Variants in UBR1 observed in about 807,000 individuals in gnomAD.
UBR1 encodes the protein ubiquitin protein ligase E3 component n-recognin 1.
A neutral mutation model predicts 242.1 loss-of-function variants in UBR1; 102 were observed. The ratio of observed to expected loss-of-function variants is 0.42; its 90% CI spans 0.36 to 0.50. The LOEUF (loss-of-function observed/expected upper bound fraction) is 0.50, where lower values mean the gene tolerates loss of function less well. UBR1 is among the 20% of genes least tolerant of loss of function. The pLI is 0.01. For synonymous variants in UBR1, 675 were observed against 684.8 expected (o/e 0.99, Z 0.22); for missense variants, 1,772 against 2,101.8 (o/e 0.84, Z 3.07).
chr15:43,037,437 G>A (rs2141317702), intron 17 of UBR1, among the ~76,000 whole-genome samples: 1 of 152,012 alleles, frequency 6.6e-6, no homozygotes, highest in East Asian at 1.9e-4. Flanking sequence ...ATTACAAGGT[G>A]GCCTTCAATT....
At chr15:42,981,162 CACA>C (rs1322768617) in intron 37 of UBR1, among the ~76,000 whole-genome samples, 3 of 152,070 alleles carry the variant, frequency 2.0e-5, no homozygotes, top group Admixed American at 6.6e-5. Flanking sequence ...TACTATTGTC[CACA>C]ACGTTTCAAA....
At chr15:43,058,302 C>T (rs745695611) in intron 10 of UBR1, 39 bp downstream of exon 10, 2 of 1,241,586 alleles carry the variant, frequency 1.6e-6, no homozygotes, top group Non-Finnish European at 2.3e-6. Flanking sequence ...TAAAAACTGC[C>T]TATTTCTATT....
intron 29 of UBR1, among the ~76,000 whole-genome samples, chr15:43,012,146 G>C (rs1372194820): frequency 6.6e-6 from 1 of 151,540 alleles, no homozygotes; most frequent in Non-Finnish European, 1.5e-5. Flanking sequence ...AGAATGGCGT[G>C]AACCCTGGAG....
chr15:42,973,501 G>A (rs2032239090), intron 39 of UBR1, among the ~76,000 whole-genome samples: 1 of 152,020 alleles, frequency 6.6e-6, no homozygotes, highest in African/African-American at 2.4e-5. Flanking sequence ...CCTCATGTTG[G>A]TCAGGGTGGT....
intron 15 of UBR1, among the ~76,000 whole-genome samples, chr15:43,038,681 A>G (rs1285628756): frequency 6.6e-6 from 1 of 152,196 alleles, no homozygotes; most frequent in Non-Finnish European, 1.5e-5. Context: ...GTTGATTTCT[A>G]ATTTTGAAAT....
In UBR1 at chr15:42,952,451, CAA is replaced by C. The variant is rs1256155590; in HGVS notation, c.4836-5_4836-4del. On this transcript the variant is annotated splice_polypyrimidine_tract_variant and splice_region_variant and intron_variant, in intron 44 of 46. Coordinates refer to ENST00000290650, the MANE Select transcript of UBR1 (RefSeq NM_174916.3). ...CATCATCTGCAGACCGTGGGCACCT[CAA>C]AAGAGAAGAAAACATTTAGAGAATG... 2 of 1,614,160 alleles carry C rather than the reference CAA, an allele frequency of 1.2e-6. No homozygotes were observed. The highest frequency in any genetic ancestry group is 3.3e-5 in the Admixed American group (2 of 60,010).
At chr15:43,010,818 C>CA (rs768275252) in intron 29 of UBR1, among the ~76,000 whole-genome samples, 12,912 of 57,102 alleles carry the variant, frequency 0.23, 950 homozygotes, top group African/African-American at 0.27. Flanking sequence ...ACTAAAAATA[C>CA]AAAAAAAAAA....
intron 10 of UBR1, 40 bp from the exon 11 acceptor site, chr15:43,056,482 T>C (rs1424403917): frequency 5.1e-6 from 7 of 1,385,560 alleles, no homozygotes; most frequent in Non-Finnish European, 6.1e-6. Context: ...AAATCACTAC[T>C]AAAGACCTTT....
intron 6 of UBR1, among the ~76,000 whole-genome samples, chr15:43,063,959 C>T (rs2141341200): frequency 6.6e-6 from 1 of 152,328 alleles, no homozygotes; most frequent in East Asian, 1.9e-4. Flanking sequence ...TGGTCTCAAA[C>T]TCCCGACCTC....
intron 30 of UBR1, among the ~76,000 whole-genome samples, chr15:43,006,773 T>C (rs900631172): frequency 6.6e-6 from 1 of 151,364 alleles, no homozygotes; most frequent in Non-Finnish European, 1.5e-5. Flanking sequence ...AAAGCTACTA[T>C]CATAAAAAAA....
intron 43 of UBR1, among the ~76,000 whole-genome samples, chr15:42,959,123 G>T (rs896798687): frequency 6.6e-6 from 1 of 152,178 alleles, no homozygotes; most frequent in East Asian, 1.9e-4. Flanking sequence ...GAGCCACGGC[G>T]CCTGGCCCCA....
chr15:43,073,346 C>T lies in UBR1; in HGVS notation c.528+1633G>A, dbSNP rs114937455. ...AAGTATGTAAATGTAAATACTGTTC[C>T]TCATCAACCTAAGTCTTAAGAATTT... On this transcript the variant is annotated intron_variant, in intron 4 of 46. Transcript: ENST00000290650. Among the ~76,000 whole-genome samples the T allele has an allele frequency of 4.8e-3, 728 of 152,146 alleles. 6 individuals carry two copies. Among genetic ancestry groups the T allele is most frequent in the African/African-American group, 0.017 (699 of 41,534 alleles).
intron 37 of UBR1, among the ~76,000 whole-genome samples, chr15:42,981,565 C>T (rs1422894402): frequency 7.2e-5 from 11 of 152,108 alleles, no homozygotes; most frequent in Admixed American, 7.2e-4. Flanking sequence ...TCTCAGCTCA[C>T]TGCAAGCTCT....
intron 37 of UBR1, among the ~76,000 whole-genome samples, chr15:42,980,305 T>C (rs1236619442): frequency 6.6e-6 from 1 of 152,236 alleles, no homozygotes; most frequent in African/African-American, 2.4e-5. Flanking sequence ...ATTTTAACTA[T>C]GGGTTAAGCC....
chr15:43,079,419 T>A (rs937169471), intron 3 of UBR1, among the ~76,000 whole-genome samples: 3 of 152,150 alleles, frequency 2.0e-5, no homozygotes, highest in African/African-American at 4.8e-5. Context: ...AAAGGGCCCA[T>A]GAATTCTTGA....
chr15:42,967,394 T>C (rs2032124997), intron 40 of UBR1, among the ~76,000 whole-genome samples: 1 of 151,034 alleles, frequency 6.6e-6, no homozygotes, highest in South Asian at 2.1e-4. Context: ...ACATAAAAGT[T>C]AAAGGTTACT....
chr15:43,034,512 T>C (rs992712329), intron 19 of UBR1, among the ~76,000 whole-genome samples: 1 of 152,006 alleles, frequency 6.6e-6, no homozygotes, highest in Non-Finnish European at 1.5e-5. Context: ...AAAAGACCAA[T>C]GTCTTTATAG....
At chr15:43,048,589 G>T in intron 12 of UBR1, 98 bp from the exon 13 acceptor site, 1 of 922,998 alleles carries the variant, frequency 1.1e-6, no homozygotes, top group Non-Finnish European at 1.7e-6. Context: ...TAAAAATTAT[G>T]GATTCTAATT....
intron 39 of UBR1, among the ~76,000 whole-genome samples, chr15:42,973,926 T>A (rs951661599): frequency 1.4e-5 from 2 of 141,568 alleles, no homozygotes; most frequent in Non-Finnish European, 3.0e-5. Flanking sequence ...TCTCGCACTC[T>A]CTCCCAGTCT....
Sources: gnomAD v4.1 joint callset for allele counts (sites outside exome capture counted in the v4.1 genomes callset) on GRCh38, gnomAD v4.1.1 for gene constraint, MANE v1.5 for transcripts, NCBI Gene and HGNC (gene_info 2026-07-23, HGNC 2026-07-21) for gene names.